NMT2: variants seen among roughly 807,000 people sequenced by gnomAD.
NMT2 encodes glycylpeptide N-tetradecanoyltransferase 2.
In NMT2, 35 loss-of-function variants were observed where a neutral mutation model predicts 65.4. The ratio of observed to expected loss-of-function variants is 0.54; its 90% confidence interval spans 0.41 to 0.71. The LOEUF (loss-of-function observed/expected upper bound fraction) is 0.71. NMT2 is among the 30% of genes least tolerant of loss of function. The probability of loss-of-function intolerance (pLI) is 0.00; values close to 1 mark genes in which losing one functional copy is unlikely to be tolerated. For missense variants in NMT2, 489 were observed against 611.3 expected, an observed-to-expected ratio of 0.80 and a Z score of 2.11; for synonymous variants, 226 against 231.8, an observed-to-expected ratio of 0.98 and a Z score of 0.23.
intron 1 of NMT2, among the ~76,000 whole-genome samples, chr10:15,152,018 T>C (rs1478876759): frequency 2.0e-5 from 3 of 152,074 alleles, no homozygotes; most frequent in Non-Finnish European, 4.4e-5. Flanking sequence ...AGAGTAAAAC[T>C]CTGTCTCAAA....
chr10:15,154,981 G>A, intron 1 of NMT2: 1 of 1,160,214 alleles, frequency 8.6e-7, no homozygotes, highest in Non-Finnish European at 1.3e-6. Flanking sequence ...TTTGTGTTGG[G>A]TCCAGCATTT....
At chr10:15,122,596 T>G (rs1845961533) in intron 8 of NMT2, among the ~76,000 whole-genome samples, 1 of 152,256 alleles carries the variant, frequency 6.6e-6, no homozygotes, top group Non-Finnish European at 1.5e-5. Flanking sequence ...ATTTTTTGTA[T>G]TTTTAGTAGA....
intron 8 of NMT2, among the ~76,000 whole-genome samples, chr10:15,124,431 C>T (rs956096181): frequency 3.3e-5 from 5 of 152,164 alleles, no homozygotes; most frequent in Non-Finnish European, 5.9e-5. Context: ...GACCCATCCT[C>T]CTGTGGCTGT....
rs1564572681 is a variant in NMT2, at chr10:15,133,334, C to T, written c.421G>A (p.Glu141Lys). Residue 141 changes from glutamate (E) to lysine (K), a missense_variant, in exon 4 of 12, where the codon GAA becomes AAA. Transcript: ENST00000378165. ...TGGCGTACGTTGTCTTTATCTGGTTCAATTGCACCATGAGATGTTATGACT... is the reference window on the plus strand; with the variant it reads ...TGGCGTACGTTGTCTTTATCTGGTTTAATTGCACCATGAGATGTTATGACT... ...DEVITSHGAI[E>K]PDKDNVRQEP... 1 of 1,613,760 alleles carries T rather than the reference C, an allele frequency of 6.2e-7. No homozygotes were observed. Among genetic ancestry groups the T allele is most frequent in the East Asian group, 2.2e-5 (1 of 44,868 alleles).
chr10:15,161,900 A>C (rs1833211176), intron 1 of NMT2, among the ~76,000 whole-genome samples: 1 of 152,238 alleles, frequency 6.6e-6, no homozygotes, highest in African/African-American at 2.4e-5. Context: ...AGAATATTTT[A>C]AATAGTGGTT....
At chr10:15,143,015 AG>A (rs1243431231) in intron 1 of NMT2, among the ~76,000 whole-genome samples, 1 of 152,166 alleles carries the variant, frequency 6.6e-6, no homozygotes, top group Non-Finnish European at 1.5e-5. Context: ...GTGCTACTTA[AG>A]AAGTCTATTC....
In NMT2 at chr10:15,133,109, G is replaced by A. The variant is rs1270733582; in HGVS notation, c.546C>T (p.Tyr182=). Residue 182 remains tyrosine, a synonymous_variant, in exon 5 of 12, where the codon TAC becomes TAT. Transcript: ENST00000378165. ...GGAACATATTGTCATCATCTTCTAC[G>A]TAATTCTCATTTAACAACGTGTATA... The part of the protein sequence containing the change: ...KELYTLLNEN[Y]VEDDDNMFRF... The A allele has an allele frequency of 3.7e-6, 6 of 1,613,982 alleles. No individual in the cohort carries two copies. Among genetic ancestry groups the A allele is most frequent in the Middle Eastern group, 1.6e-4 (1 of 6,062 alleles).
intron 3 of NMT2, 52 bp from the exon 4 acceptor site, chr10:15,133,415 A>C: frequency 7.3e-7 from 1 of 1,365,918 alleles, no homozygotes; most frequent in Non-Finnish European, 1.0e-6. Flanking sequence ...AGAATATTAA[A>C]TGACAAAGTA....
intron 1 of NMT2, among the ~76,000 whole-genome samples, chr10:15,167,934 G>A (rs573602476): frequency 6.6e-6 from 1 of 152,304 alleles, no homozygotes; most frequent in East Asian, 1.9e-4. Context: ...GCCGGGCCCG[G>A]GACCCCCTCG....
At chr10:15,163,902 G>C (rs528879999) in intron 1 of NMT2, among the ~76,000 whole-genome samples, 4 of 152,118 alleles carry the variant, frequency 2.6e-5, no homozygotes, top group Non-Finnish European at 5.9e-5. Flanking sequence ...GTCTTAGGCC[G>C]GGGACGGTGG....
chr10:15,130,431 G>A (rs1189159730), intron 6 of NMT2, 119 bp from the exon 7 acceptor site: 14 of 804,320 alleles, frequency 1.7e-5, no homozygotes, highest in Middle Eastern at 3.9e-4. Flanking sequence ...TGCAGGCTGG[G>A]AACACTGGCT....
chr10:15,117,816 C>A (rs1564562057), intron 9 of NMT2, among the ~76,000 whole-genome samples: 1 of 152,164 alleles, frequency 6.6e-6, no homozygotes, highest in African/African-American at 2.4e-5. Context: ...TCTAGCTATA[C>A]ACTTAAGAAA....
chr10:15,150,311 A>G (rs1832758677), intron 1 of NMT2, among the ~76,000 whole-genome samples: 1 of 152,104 alleles, frequency 6.6e-6, no homozygotes, highest in African/African-American at 2.4e-5. Context: ...TCGATAATGG[A>G]TTTCACCTGC....
At chr10:15,113,463 C>CAAAAAAA (rs1169255963) in intron 9 of NMT2, among the ~76,000 whole-genome samples, 63 of 36,978 alleles carry the variant, frequency 1.7e-3, no homozygotes, top group African/African-American at 4.4e-3. Flanking sequence ...GGATGAGACT[C>CAAAAAAA]AAAAAAAAAA....
intron 8 of NMT2, among the ~76,000 whole-genome samples, chr10:15,125,628 TTGTA>T (rs200867857): frequency 2.0e-5 from 3 of 152,016 alleles, no homozygotes; most frequent in African/African-American, 7.2e-5. Context: ...TTTTTGAAGT[TTGTA>T]TGTATGTATG....
At chr10:15,127,266 C>T (rs1316475104) in intron 8 of NMT2, among the ~76,000 whole-genome samples, 4 of 131,502 alleles carry the variant, frequency 3.0e-5, no homozygotes, top group South Asian at 2.5e-4. Context: ...AATAACTTTT[C>T]GCCAGGCGTG....
At position 15,106,201 on chromosome 10, in the gene NMT2, C is replaced by G. The variant is rs1450396430; in HGVS notation, c.*2994G>C. 1 of 211,896 alleles carries G rather than the reference C, an allele frequency of 4.7e-6. No homozygotes were observed. The highest frequency in any genetic ancestry group is 1.0e-5 in the Non-Finnish European group (1 of 100,176). 13.1% of individuals were successfully genotyped at this position (211,896 alleles called of 1,614,324 possible). A position where few individuals can be genotyped will look rare whatever the true frequency, so the allele number is the denominator to read the frequency against. ...TAGAGATAGGGCTTCACCATGTTGG[C>G]CAGGCTGGTCTCAAGACTCCTGACC... is the stretch of plus-strand genomic sequence containing the variant. On this transcript the variant is annotated 3_prime_UTR_variant, in exon 12 of 12. Transcript: ENST00000378165.
rs1258439836 is a variant in NMT2 at position 15,106,463 on chromosome 10, T to C, written c.*2732A>G. The C allele has an allele frequency of 1.2e-5, 2 of 166,780 alleles. No homozygotes were observed. The highest frequency in any genetic ancestry group is 4.8e-5 in the African/African-American group (2 of 41,710). The allele number at this position is 166,780 out of a possible 1,614,324, so 10.3% of individuals were successfully genotyped here. On this transcript the variant is annotated 3_prime_UTR_variant, in exon 12 of 12. Coordinates refer to ENST00000378165, the MANE Select transcript of NMT2 (RefSeq NM_004808.3). Reference sequence around the variant, plus strand: ...AGTGAATGAGGACTGTTTTGTTTCTTGAAGCCTTTCTCCTGTTAAGAAAGA... The same window carrying C: ...AGTGAATGAGGACTGTTTTGTTTCTCGAAGCCTTTCTCCTGTTAAGAAAGA...
intron 8 of NMT2, among the ~76,000 whole-genome samples, chr10:15,120,273 C>T (rs2131503181): frequency 6.6e-6 from 1 of 152,226 alleles, no homozygotes; most frequent in Admixed American, 6.5e-5. Context: ...GCCTGGCCAA[C>T]ATGATGAAAC....
Sources: gnomAD v4.1 joint callset for allele counts (sites outside exome capture counted in the v4.1 genomes callset) on GRCh38, gnomAD v4.1.1 for gene constraint, MANE v1.5 for transcripts, NCBI Gene and HGNC (gene_info 2026-07-23, HGNC 2026-07-21) for gene names.